PSMA6: variants seen among roughly 807,000 people sequenced by gnomAD.
PSMA6 encodes the protein proteasome 20S subunit alpha 6, also known as proteasome subunit alpha type-6.
For missense variants in PSMA6, 170 were observed against 294.8 expected (o/e 0.58, Z 3.10); for synonymous variants, 88 against 97.7 (o/e 0.90, Z 0.59).
At chr14:35,310,128 A>C (rs1594392228) in intron 3 of PSMA6, 1 of 408,678 alleles carries the variant, frequency 2.4e-6, no homozygotes, top group Non-Finnish European at 4.8e-6. Flanking sequence ...TCTCTAAAAA[A>C]AAAATGAAAA....
chr14:35,299,703 T>A (rs1006188727), intron 1 of PSMA6, among the ~76,000 whole-genome samples: 2 of 152,186 alleles, frequency 1.3e-5, no homozygotes, highest in African/African-American at 4.8e-5. Context: ...ACCCTGCCAG[T>A]GTTTCTTTAA....
At chr14:35,283,893 A>ATCTCT (rs1316305782) in intron 1 of PSMA6, among the ~76,000 whole-genome samples, 30 of 152,090 alleles carry the variant, frequency 2.0e-4, no homozygotes, top group African/African-American at 7.2e-4. Flanking sequence ...TTTGCAGATA[A>ATCTCT]TCTCTTCTTT....
intron 1 of PSMA6, among the ~76,000 whole-genome samples, chr14:35,299,807 G>A (rs190136683): frequency 6.6e-6 from 1 of 152,316 alleles, no homozygotes; most frequent in East Asian, 1.9e-4. Flanking sequence ...TGGTGGTAGT[G>A]TTAAAATGGG....
intron 6 of PSMA6, chr14:35,317,022 A>G: frequency 2.5e-6 from 1 of 404,720 alleles, no homozygotes; most frequent in South Asian, 6.1e-5. Context: ...ATGTCAAAGT[A>G]AACATTTTTG....
At chr14:35,301,247 A>G (rs1566556822) in intron 1 of PSMA6, among the ~76,000 whole-genome samples, 1 of 152,122 alleles carries the variant, frequency 6.6e-6, no homozygotes, top group Non-Finnish European at 1.5e-5. Context: ...GTTCACACCT[A>G]TAATCCCAGC....
chr14:35,294,826 T>C (rs1594378606), intron 1 of PSMA6, among the ~76,000 whole-genome samples: 1 of 152,158 alleles, frequency 6.6e-6, no homozygotes, highest in Non-Finnish European at 1.5e-5. Flanking sequence ...AAATACTGTC[T>C]GTTTGTAAAC....
At chr14:35,286,103 A>G (rs746952097) in intron 1 of PSMA6, among the ~76,000 whole-genome samples, 13 of 152,202 alleles carry the variant, frequency 8.5e-5, no homozygotes, top group Admixed American at 3.9e-4. Flanking sequence ...GTGGACTTCT[A>G]TGCCTTTTAA....
intron 1 of PSMA6, among the ~76,000 whole-genome samples, chr14:35,306,361 A>G (rs1211532651): frequency 6.6e-6 from 1 of 152,180 alleles, no homozygotes; most frequent in African/African-American, 2.4e-5. Context: ...GTTCAAGACC[A>G]GCCTGGGCAA....
intron 1 of PSMA6, chr14:35,292,874 C>A: frequency 1.9e-6 from 1 of 515,750 alleles, no homozygotes. Flanking sequence ...TGGCCAGGCA[C>A]AAGGTCTGTT....
At chr14:35,290,472 C>T (rs929967603), upstream of PSMA6, among the ~76,000 whole-genome samples, 2 of 152,176 alleles carry the variant, frequency 1.3e-5, no homozygotes, top group African/African-American at 4.8e-5. Context: ...ATGCTGTATG[C>T]ATTTACCGTT....
chr14:35,306,485 C>T (rs2051830110), intron 1 of PSMA6, among the ~76,000 whole-genome samples: 1 of 152,184 alleles, frequency 6.6e-6, no homozygotes, highest in African/African-American at 2.4e-5. Flanking sequence ...AGGCAGATCA[C>T]CTGAGGTCAG....
upstream of PSMA6, among the ~76,000 whole-genome samples, chr14:35,290,424 G>C (rs1234700864): frequency 6.6e-6 from 1 of 152,206 alleles, no homozygotes; most frequent in Non-Finnish European, 1.5e-5. Flanking sequence ...GTCCACTTGG[G>C]AACTAGCCAG....
intron 1 of PSMA6, among the ~76,000 whole-genome samples, chr14:35,295,757 T>C (rs2051574723): frequency 6.6e-6 from 1 of 152,234 alleles, no homozygotes; most frequent in African/African-American, 2.4e-5. Flanking sequence ...CGGCCTGAAA[T>C]ATTTCTCTTA....
At chr14:35,289,270 T>C (rs1272721547), upstream of PSMA6, among the ~76,000 whole-genome samples, 1 of 152,188 alleles carries the variant, frequency 6.6e-6, no homozygotes, top group African/African-American at 2.4e-5. Flanking sequence ...ACAAAAATCC[T>C]TGCCATCACA....
intron 1 of PSMA6, among the ~76,000 whole-genome samples, chr14:35,305,688 A>G (rs1220771122): frequency 6.6e-6 from 1 of 151,400 alleles, no homozygotes; most frequent in Non-Finnish European, 1.5e-5. Context: ...AATCTGTTAT[A>G]TGTCAAAATG....
At chr14:35,288,267 G>A (rs996563736), upstream of PSMA6, among the ~76,000 whole-genome samples, 3 of 152,208 alleles carry the variant, frequency 2.0e-5, no homozygotes, top group African/African-American at 7.2e-5. Context: ...GGAGGCCGAG[G>A]TAGGCGGATC....
chr14:35,280,213 G>A (rs1013919941), intron 1 of PSMA6, among the ~76,000 whole-genome samples: 3 of 152,100 alleles, frequency 2.0e-5, no homozygotes, highest in African/African-American at 7.2e-5. Flanking sequence ...GCCGAGGCAG[G>A]TGGATCACCT....
chr14:35,306,839 G>C (rs763721199), intron 1 of PSMA6, among the ~76,000 whole-genome samples: 5 of 152,040 alleles, frequency 3.3e-5, no homozygotes, highest in African/African-American at 9.7e-5. Context: ...ATAAGCTGAG[G>C]TTTGTTATAG....
intron 1 of PSMA6, among the ~76,000 whole-genome samples, chr14:35,300,294 C>T (rs1249592954): frequency 2.0e-5 from 3 of 152,042 alleles, no homozygotes; most frequent in Non-Finnish European, 4.4e-5. Context: ...AATAACAAGA[C>T]CTTGTCTCTG....
Sources: gnomAD v4.1 joint callset for allele counts (sites outside exome capture counted in the v4.1 genomes callset) on GRCh38, gnomAD v4.1.1 for gene constraint, MANE v1.5 for transcripts, NCBI Gene and HGNC (gene_info 2026-07-23, HGNC 2026-07-21) for gene names.